The following CMSS1 variants were observed in gnomAD, a reference collection of about 807,000 sequenced individuals.
CMSS1 encodes protein CMSS1.
In CMSS1, 33 loss-of-function variants were observed where a neutral mutation model predicts 43.5. The ratio of observed to expected loss-of-function variants is 0.76; its 90% CI spans 0.57 to 1.01. CMSS1 has a LOEUF of 1.01. CMSS1 is among the 50% of genes least tolerant of loss of function. CMSS1 has a pLI of 0.00. For missense variants in CMSS1, 313 were observed against 326.4 expected (o/e 0.96, Z 0.32); for synonymous variants, 115 against 117.2 (o/e 0.98, Z 0.12).
intron 1 of CMSS1, chr3:100,141,709 CAG>C: frequency 5.2e-6 from 2 of 384,316 alleles, no homozygotes; most frequent in Non-Finnish European, 1.0e-5. Flanking sequence ...TGAAAAAGGA[CAG>C]TGTACTTGAT....
At chr3:99,895,972 A>C (rs1296416268) in intron 1 of CMSS1, among the ~76,000 whole-genome samples, 1 of 152,212 alleles carries the variant, frequency 6.6e-6, no homozygotes, top group Non-Finnish European at 1.5e-5. Context: ...TGTAGAGGAG[A>C]CATGTGGCTC....
intron 6 of CMSS1, among the ~76,000 whole-genome samples, chr3:100,169,377 C>G (rs912273768): frequency 6.6e-6 from 1 of 152,196 alleles, no homozygotes; most frequent in African/African-American, 2.4e-5. Flanking sequence ...AGGACCAGCT[C>G]TCTCTGAGAG....
chr3:100,160,527 G>A, intron 3 of CMSS1, 26 bp downstream of exon 3: 1 of 1,131,806 alleles, frequency 8.8e-7, no homozygotes, highest in South Asian at 1.3e-5. Context: ...TCTTAAATTT[G>A]TATGGCCCCA....
rs545000329 is a variant in CMSS1, at chr3:100,018,037, A to T, written c.65-128936A>T. Among the ~76,000 whole-genome samples the T allele has an allele frequency of 5.3e-5, 8 of 152,040 alleles. No homozygotes were observed. The South Asian group carries it at 1.7e-3, about 32-fold the overall frequency. On this transcript the variant is annotated intron_variant, in intron 1 of 9. Transcript: ENST00000421999. ...GTTGTGCACAGTGACCAATATGTAT[A>T]AAAGGTGAAGGCTAGGTCCAGGGGC...
At chr3:100,027,148 C>G (rs1245875618) in intron 1 of CMSS1, among the ~76,000 whole-genome samples, 1 of 152,168 alleles carries the variant, frequency 6.6e-6, no homozygotes, top group Admixed American at 6.6e-5. Flanking sequence ...TACACACATC[C>G]TTCCTCTCCA....
In CMSS1 at chr3:100,060,130, G is replaced by T. The variant is rs74824497; in HGVS notation, c.65-86843G>T. Reference sequence around the variant, plus strand: ...GTAAAGGGATTTGAGGAAACTGGAGGTGTGTGTCACATGGTGGGTGGGCTA... The same window carrying T: ...GTAAAGGGATTTGAGGAAACTGGAGTTGTGTGTCACATGGTGGGTGGGCTA... On this transcript the variant is annotated intron_variant, in intron 1 of 9. Coordinates refer to ENST00000421999, the MANE Select transcript of CMSS1 (RefSeq NM_032359.4). Among the ~76,000 whole-genome samples, 489 of 152,240 alleles carry T rather than the reference G, an allele frequency of 3.2e-3. 5 individuals are homozygous for T. The highest frequency in any genetic ancestry group is 0.011 in the African/African-American group (467 of 41,514).
At chr3:99,853,823 G>A (rs1451528931) in intron 1 of CMSS1, among the ~76,000 whole-genome samples, 1 of 152,188 alleles carries the variant, frequency 6.6e-6, no homozygotes, top group East Asian at 1.9e-4. Flanking sequence ...GTCTAGTCTA[G>A]TAAAGCCTGT....
rs139156715 is a variant in CMSS1, at chr3:100,159,582, T to G, written c.154-848T>G. 3.3e-5 allele frequency among the ~76,000 whole-genome samples: 5 copies of G among 152,330 alleles called. No homozygotes were observed. In the East Asian group the frequency reaches 7.7e-4, roughly 23 times the overall value. On this transcript the variant is annotated intron_variant, in intron 2 of 9. Transcript: ENST00000421999. ...AACTCAGAATAAGTTTTCACTTACA[T>G]TTTATATCTTACTTGGCAACTTGTT...
intron 1 of CMSS1, among the ~76,000 whole-genome samples, chr3:100,021,915 TTGTGTGTGTGTGTGTGTGTGTGTG>T (rs61704772): frequency 3.8e-5 from 4 of 105,958 alleles, no homozygotes; most frequent in African/African-American, 1.6e-4. Context: ...CTAGATCCCA[TTGTGTGTGTGTGTGTGTGTGTGTG>T]TGTGTGTGTG....
intron 1 of CMSS1, among the ~76,000 whole-genome samples, chr3:99,946,677 A>C (rs13317017): frequency 0.73 from 111,787 of 152,098 alleles, 41,791 homozygotes; most frequent in African/African-American, 0.88. Context: ...TAATTACTTG[A>C]AGGTATTTGA....
chr3:100,144,547 T>C (rs1300168098), intron 1 of CMSS1, among the ~76,000 whole-genome samples: 1 of 152,152 alleles, frequency 6.6e-6, no homozygotes, highest in Admixed American at 6.5e-5. Context: ...TGGTAGGAGA[T>C]GGAGCCTTCA....
At chr3:100,132,253 A>G (rs1481161496) in intron 1 of CMSS1, among the ~76,000 whole-genome samples, 2 of 152,006 alleles carry the variant, frequency 1.3e-5, no homozygotes, top group Non-Finnish European at 2.9e-5. Flanking sequence ...AGTTTAAAAA[A>G]TTGGCCAGAC....
rs1047556895 is a variant in CMSS1, at chr3:100,179,857, A to G, written c.*1469A>G. ...TGCACTGCCCTAGTAGAGGCTCTCCATGAGGGCTTCACCCCTGTAGCAGAC... is the reference window on the plus strand; with the variant it reads ...TGCACTGCCCTAGTAGAGGCTCTCCGTGAGGGCTTCACCCCTGTAGCAGAC... On this transcript the variant is annotated 3_prime_UTR_variant, in exon 10 of 10. Coordinates refer to ENST00000421999, the MANE Select transcript of CMSS1 (RefSeq NM_032359.4). 1 of 152,248 alleles carries G rather than the reference A, an allele frequency of 6.6e-6. No individual in the cohort carries two copies. Among genetic ancestry groups the G allele is most frequent in the Non-Finnish European group, 1.5e-5 (1 of 68,068 alleles). The allele number at this position is 152,248 out of a possible 1,614,324, so 9.4% of individuals were successfully genotyped here.
At chr3:100,170,485 C>G (rs1215044930) in intron 6 of CMSS1, among the ~76,000 whole-genome samples, 1 of 152,214 alleles carries the variant, frequency 6.6e-6, no homozygotes, top group African/African-American at 2.4e-5. Context: ...GGGGCCTGCA[C>G]TTTCCAACAG....
At chr3:99,851,048 C>G (rs920218573) in intron 1 of CMSS1, 1 of 1,593,010 alleles carries the variant, frequency 6.3e-7, no homozygotes, top group Non-Finnish European at 8.5e-7. Flanking sequence ...GACTTGATTT[C>G]TTGATCAATT....
intron 1 of CMSS1, among the ~76,000 whole-genome samples, chr3:99,825,780 T>C (rs949526857): frequency 6.8e-6 from 1 of 148,042 alleles, no homozygotes; most frequent in Non-Finnish European, 1.5e-5. Context: ...TTTTTCTTTT[T>C]TTTTTTTTTT....
intron 1 of CMSS1, among the ~76,000 whole-genome samples, chr3:100,047,846 G>A (rs907679614): frequency 6.6e-6 from 1 of 152,126 alleles, no homozygotes; most frequent in African/African-American, 2.4e-5. Context: ...AAAAAGGAAG[G>A]CATTTTTGGT....
At chr3:99,986,387 T>C (rs1413546069) in intron 1 of CMSS1, among the ~76,000 whole-genome samples, 2 of 152,194 alleles carry the variant, frequency 1.3e-5, no homozygotes, top group Non-Finnish European at 2.9e-5. Context: ...TCAGGGGGTT[T>C]TGCATATTTT....
intron 1 of CMSS1, among the ~76,000 whole-genome samples, chr3:99,835,126 C>T (rs1329017055): frequency 6.6e-6 from 1 of 152,036 alleles, no homozygotes; most frequent in African/African-American, 2.4e-5. Context: ...CTCAACTTTC[C>T]TCTCTCTCCA....
Sources: gnomAD v4.1 joint callset for allele counts (sites outside exome capture counted in the v4.1 genomes callset) on GRCh38, gnomAD v4.1.1 for gene constraint, MANE v1.5 for transcripts, NCBI Gene and HGNC (gene_info 2026-07-23, HGNC 2026-07-21) for gene names.